The following FLCN variants were observed in gnomAD, a reference collection of about 807,000 sequenced individuals.
The protein encoded by FLCN is folliculin, also known as BHD skin lesion fibrofolliculoma protein.
Under a neutral mutation model 62.5 loss-of-function variants are expected in FLCN, and 22 were observed. The ratio of observed to expected loss-of-function variants is 0.35; its 90% confidence interval spans 0.25 to 0.50. The LOEUF (loss-of-function observed/expected upper bound fraction) is 0.50. FLCN is among the 20% of genes least tolerant of loss of function. FLCN has a pLI of 0.97. For missense variants in FLCN, 657 were observed against 778.0 expected, an observed-to-expected ratio of 0.84 and a Z score of 1.85; for synonymous variants, 319 against 310.0, an observed-to-expected ratio of 1.03 and a Z score of -0.30.
In FLCN at chr17:17,230,112, A is replaced by T. The variant is rs145498018; in HGVS notation, c.-25+1682T>A. On this transcript the variant is annotated intron_variant, in intron 3 of 13. Coordinates refer to ENST00000285071, the MANE Select transcript of FLCN (RefSeq NM_144997.7). ...AAAAGCAAAGGTGCACAGTGGGGAC[A>T]GCCACAGCCAACAGCCTGACATGTG... is the stretch of plus-strand genomic sequence containing the variant. Among the ~76,000 whole-genome samples, 377 of 152,366 alleles carry T rather than the reference A, an allele frequency of 2.5e-3. 5 individuals carry two copies. The highest frequency in any genetic ancestry group is 0.014 in the South Asian group (66 of 4,830).
Position 17,221,525 on chromosome 17 carries a change from C to A in FLCN, c.871+12G>T, listed in dbSNP as rs774097334. ...CCGGGCCAAGGCCCCGGCAACAGCA[C>A]CCCTGCCTCACCAGCGAGCTTCTCC... On this transcript the variant is annotated intron_variant, in intron 8 of 13. Transcript: ENST00000285071. 1.2e-6 allele frequency: 2 copies of A among 1,613,700 alleles called. No homozygotes were observed. Among genetic ancestry groups the A allele is most frequent in the African/African-American group, 1.3e-5 (1 of 75,054 alleles).
At chr17:17,223,823 G>C (rs2144968226) in intron 6 of FLCN, 99 bp downstream of exon 6, 1 of 1,203,920 alleles carries the variant, frequency 8.3e-7, no homozygotes. Flanking sequence ...GTAAGCAGAG[G>C]GGAAGACGCC....
chr17:17,214,986 TCATC>T lies in FLCN; in HGVS notation c.1533_1536del (p.Trp511Ter), dbSNP rs886037608. 1.2e-6 allele frequency: 2 copies of T among 1,613,906 alleles called. No individual in the cohort carries two copies. Among genetic ancestry groups the T allele is most frequent in the East Asian group, 4.5e-5 (2 of 44,886 alleles). On this transcript the variant is annotated frameshift_variant and splice_region_variant, in exon 13 of 14. Coordinates refer to ENST00000285071, the MANE Select transcript of FLCN (RefSeq NM_144997.7). LOFTEE classifies it high-confidence loss of function. Reference sequence around the variant, plus strand: ...GGCCTCACCCACACTGTTGCTTACTTCATCCACTCCTCCTTGAGGCAGACGAGGC... The same window carrying T: ...GGCCTCACCCACACTGTTGCTTACTTCACTCCTCCTTGAGGCAGACGAGGC...
At chr17:17,221,344 G>A (rs749481540) in intron 8 of FLCN, 193 bp downstream of exon 8, 3 of 1,576,492 alleles carry the variant, frequency 1.9e-6, no homozygotes, top group Non-Finnish European at 1.7e-6. Flanking sequence ...GGCGGTCAAG[G>A]CAAACGAGAC....
At chr17:17,214,502 A>G (rs931541573) in intron 13 of FLCN, among the ~76,000 whole-genome samples, 4 of 152,086 alleles carry the variant, frequency 2.6e-5, no homozygotes, top group Non-Finnish European at 4.4e-5. Flanking sequence ...GCTGAGGCAG[A>G]AGAATCGCTT....
chr17:17,216,877 C>G lies in FLCN; in HGVS notation c.1176+192G>C. On this transcript the variant is annotated intron_variant, in intron 10 of 13. Transcript: ENST00000285071. This position sits in a 1 kb window ranked among gnomAD's most constrained non-coding sequence, Gnocchi z 4.0. The stretch of plus-strand genomic sequence containing the variant: ...CAGGCCTGGGCAGTCAGCAGGCACA[C>G]GCATCCTTCTGATGATTTAAACATC... 8 of 651,456 alleles carry G rather than the reference C, an allele frequency of 1.2e-5. No homozygotes were observed. In the South Asian group the frequency reaches 1.4e-4, roughly 11 times the overall value. The allele number at this position is 651,456 out of a possible 1,614,324, so 40.4% of individuals were successfully genotyped here.
chr17:17,234,059 T>G (rs1003219132), intron 1 of FLCN, among the ~76,000 whole-genome samples: 5 of 151,724 alleles, frequency 3.3e-5, no homozygotes, highest in African/African-American at 7.3e-5. Flanking sequence ...TATAAGGGGG[T>G]GCTCTGGCAG....
chr17:17,230,541 A>G (rs1302636605), intron 3 of FLCN, among the ~76,000 whole-genome samples: 1 of 151,818 alleles, frequency 6.6e-6, no homozygotes, highest in East Asian at 1.9e-4. Flanking sequence ...AAAAAAACCA[A>G]AAACAACAAA....
intron 5 of FLCN, chr17:17,225,816 G>A (rs568737758): frequency 2.9e-4 from 105 of 366,554 alleles, no homozygotes; most frequent in Middle Eastern, 1.9e-3. Flanking sequence ...AGGAGTTTGA[G>A]GTTGCAGTGA....
intron 7 of FLCN, among the ~76,000 whole-genome samples, chr17:17,221,836 G>A (rs980338646): frequency 1.3e-5 from 2 of 152,204 alleles, no homozygotes; most frequent in African/African-American, 4.8e-5. Flanking sequence ...ACTTGGAGGG[G>A]AGGGGATGCA....
intron 6 of FLCN, 22 bp downstream of exon 6, chr17:17,223,900 G>A (rs769870123): frequency 2.4e-5 from 39 of 1,612,074 alleles, no homozygotes; most frequent in Admixed American, 1.7e-4. Flanking sequence ...CTGCCGCCCC[G>A]GCACCTCATC....
At chr17:17,233,689 G>C (rs1467617753) in intron 1 of FLCN, among the ~76,000 whole-genome samples, 1 of 149,418 alleles carries the variant, frequency 6.7e-6, no homozygotes, top group East Asian at 2.0e-4. Context: ...CAGCCTGGGA[G>C]GTCAAGGCTG....
rs1463331311 is a variant in FLCN at position 17,222,038 on chromosome 17, T to TA, written c.780-411_780-410insT. On this transcript the variant is annotated intron_variant, in intron 7 of 13. Coordinates refer to ENST00000285071, the MANE Select transcript of FLCN (RefSeq NM_144997.7). ...TGGAATGATACGACTCAGATTTGCT[T>TA]TAAAAAAAAAAAAAAAGGCTGGGCG... is the stretch of plus-strand genomic sequence containing the variant. Among the ~76,000 whole-genome samples, 11 of 86,448 alleles carry TA rather than the reference T, an allele frequency of 1.3e-4. No homozygotes were observed. The East Asian group carries it at 5.1e-3, about 40-fold the overall frequency. 56.7% of individuals were successfully genotyped at this position (86,448 alleles called of 152,430 possible).
intron 5 of FLCN, chr17:17,224,460 G>A (rs1727456471): frequency 6.5e-6 from 3 of 461,684 alleles, no homozygotes; most frequent in Admixed American, 6.8e-5. Context: ...TTACTCACCT[G>A]GAGCATGCAG....
chr17:17,212,593 C>T lies in FLCN; in HGVS notation c.*1062G>A, dbSNP rs771952210. ...TGAGGTCAGGAGTTTGAGACCAGCCCGGCCAACACGGTGAAACCCCGTCTC... is the reference window on the plus strand; with the variant it reads ...TGAGGTCAGGAGTTTGAGACCAGCCTGGCCAACACGGTGAAACCCCGTCTC... On this transcript the variant is annotated 3_prime_UTR_variant, in exon 14 of 14. Coordinates refer to ENST00000285071, the MANE Select transcript of FLCN (RefSeq NM_144997.7). 5.7e-6 allele frequency: 1 copy of T among 174,018 alleles called. No homozygotes were observed. The highest frequency in any genetic ancestry group is 1.2e-5 in the Non-Finnish European group (1 of 80,914). The allele number at this position is 174,018 out of a possible 1,614,324, so 10.8% of individuals were successfully genotyped here.
At chr17:17,223,049 T>C (rs2047142740) in intron 6 of FLCN, 1 of 343,522 alleles carries the variant, frequency 2.9e-6, no homozygotes, top group Admixed American at 3.9e-5. Context: ...AACAAGGCCC[T>C]CAGCACCATC....
intron 5 of FLCN, chr17:17,224,466 T>C (rs752261491): frequency 4.4e-6 from 2 of 457,262 alleles, no homozygotes; most frequent in African/African-American, 1.9e-5. Flanking sequence ...ACCTGGAGCA[T>C]GCAGAAGAAC....
In FLCN at chr17:17,222,630, T is replaced by C; in HGVS notation, c.650A>G (p.Gln217Arg). 3.7e-6 allele frequency: 6 copies of C among 1,614,232 alleles called. No individual in the cohort carries two copies. Among genetic ancestry groups the C allele is most frequent in the Non-Finnish European group, 5.1e-6 (6 of 1,180,050 alleles). ...VFEAEQFGCP[Q>R]RAQRMNTAFT... Reference sequence around the variant, plus strand: ...GGCTGTGTTCATCCTCTGAGCACGCTGTGGGCATCCAAACTGCTCTGCCTC... The same window carrying C: ...GGCTGTGTTCATCCTCTGAGCACGCCGTGGGCATCCAAACTGCTCTGCCTC... Residue 217 changes from glutamine to arginine, a missense_variant, in exon 7 of 14, where the codon CAG becomes CGG. Physicochemically the swap from Gln to Arg is conservative, Grantham distance 43. Transcript: ENST00000285071.
At chr17:17,214,955 C>T in intron 13 of FLCN, 30 bp downstream of exon 13, 3 of 1,608,736 alleles carry the variant, frequency 1.9e-6, no homozygotes, top group Non-Finnish European at 2.6e-6. Context: ...GGGTCGCAAG[C>T]AAAGGGGCCT....
Sources: gnomAD v4.1 joint callset for allele counts (sites outside exome capture counted in the v4.1 genomes callset) on GRCh38, gnomAD v4.1.1 for gene constraint, Gnocchi (gnomAD v3.1) non-coding constraint, MANE v1.5 for transcripts, NCBI Gene and HGNC (gene_info 2026-07-23, HGNC 2026-07-21) for gene names.